The following UBE2D2 variants were observed in gnomAD, a reference collection of about 807,000 sequenced individuals.
UBE2D2 encodes ubiquitin-conjugating enzyme E2 D2.
In UBE2D2, 2 loss-of-function variants were observed where a neutral mutation model predicts 24.2. That is an observed-to-expected ratio of 0.08 (90% CI 0.03 to 0.26). The LOEUF (loss-of-function observed/expected upper bound fraction) is 0.26. Ranked by LOEUF, UBE2D2 falls within the 10% of genes least tolerant of loss-of-function variation. The probability of loss-of-function intolerance (pLI) is 1.00; values close to 1 mark genes in which losing one functional copy is unlikely to be tolerated. For missense variants in UBE2D2, 44 were observed against 177.6 expected (o/e 0.25, Z 4.28); for synonymous variants, 58 against 56.5 (o/e 1.03, Z -0.12).
intron 1 of UBE2D2, among the ~76,000 whole-genome samples, chr5:139,581,686 T>C (rs1753606370): frequency 6.6e-6 from 1 of 152,184 alleles, no homozygotes; most frequent in Non-Finnish European, 1.5e-5. Context: ...TGTTTGTTTT[T>C]GAGATGGAGT....
chr5:139,610,123 G>A (rs1003492882), intron 2 of UBE2D2, among the ~76,000 whole-genome samples: 3 of 152,046 alleles, frequency 2.0e-5, no homozygotes, highest in Non-Finnish European at 2.9e-5. Flanking sequence ...AAACTCAAAG[G>A]AACAGTACAG....
chr5:139,551,666 A>G lies in UBE2D2; in HGVS notation c.-64+25054A>G, dbSNP rs531595957. 3.5e-4 allele frequency among the ~76,000 whole-genome samples: 54 copies of G among 152,344 alleles called. No individual in the cohort carries two copies. In the South Asian group the frequency reaches 0.011, roughly 30 times the overall value. On this transcript the variant is annotated intron_variant, in intron 1 of 6. Transcript: ENST00000511725. ...TTAAAAGAGGAACAACAGAGACAAG[A>G]TCTCTGCCCTCCAGAAACTGACAGT...
At chr5:139,567,814 G>A (rs373734854) in intron 1 of UBE2D2, among the ~76,000 whole-genome samples, 2 of 152,202 alleles carry the variant, frequency 1.3e-5, no homozygotes, top group East Asian at 3.9e-4. Flanking sequence ...GATTACAGGC[G>A]TGAGCCACTG....
rs924833095 is a variant in UBE2D2 at position 139,562,239 on chromosome 5, C to G, written c.24+424C>G. ...TTCTGTTCCCTCCTCCCACACCTGC[C>G]CTAGCTCCCTCCACAAAACCGCCTG... On this transcript the variant is annotated intron_variant, in intron 1 of 6. Coordinates refer to ENST00000398733, the MANE Select transcript of UBE2D2 (RefSeq NM_003339.3). The G allele has an allele frequency of 5.9e-6, 8 of 1,366,566 alleles. No homozygotes were observed. In the Admixed American group the frequency reaches 1.5e-4, roughly 26 times the overall value. The allele number at this position is 1,366,566 out of a possible 1,614,324, so 84.7% of individuals were successfully genotyped here. A position where few individuals can be genotyped will look rare whatever the true frequency, so the allele number is the denominator to read the frequency against.
Position 139,561,824 on chromosome 5 carries a change from C to T in UBE2D2, c.24+9C>T. 6.7e-7 allele frequency: 1 copy of T among 1,495,796 alleles called. No homozygotes were observed. The highest frequency in any genetic ancestry group is 8.9e-7 in the Non-Finnish European group (1 of 1,128,108). 92.7% of individuals were successfully genotyped at this position (1,495,796 alleles called of 1,614,324 possible). A position where few individuals can be genotyped will look rare whatever the true frequency, so the allele number is the denominator to read the frequency against. On this transcript the variant is annotated intron_variant, in intron 1 of 6. Transcript: ENST00000398733. The stretch of plus-strand genomic sequence containing the variant: ...TGAAGAGAATCCACAAGGTAAGCGG[C>T]CGGAGGTCGGCTGCGCTGCTGGCCA...
At chr5:139,575,567 A>T (rs1753452539) in intron 1 of UBE2D2, among the ~76,000 whole-genome samples, 1 of 152,226 alleles carries the variant, frequency 6.6e-6, no homozygotes, top group Non-Finnish European at 1.5e-5. Flanking sequence ...AATACATGTG[A>T]TATTTTTGTA....
At chr5:139,609,285 A>G (rs1249302479) in intron 2 of UBE2D2, among the ~76,000 whole-genome samples, 5 of 151,674 alleles carry the variant, frequency 3.3e-5, no homozygotes, top group Admixed American at 1.3e-4. Context: ...ACCCACACCT[A>G]TAATCCCAGC....
intron 5 of UBE2D2, among the ~76,000 whole-genome samples, chr5:139,622,359 C>T (rs1754527994): frequency 1.3e-5 from 2 of 151,554 alleles, no homozygotes; most frequent in Admixed American, 6.6e-5. Flanking sequence ...ATTCTCCAGC[C>T]TCAGCCTCCT....
At chr5:139,571,199 G>C (rs1753344873) in intron 1 of UBE2D2, among the ~76,000 whole-genome samples, 1 of 151,914 alleles carries the variant, frequency 6.6e-6, no homozygotes, top group Non-Finnish European at 1.5e-5. Flanking sequence ...GTGAGGTCAG[G>C]AGATCGAGAC....
chr5:139,606,842 G>A (rs1018376574), intron 2 of UBE2D2, among the ~76,000 whole-genome samples: 1 of 151,964 alleles, frequency 6.6e-6, no homozygotes, highest in African/African-American at 2.4e-5. Context: ...GTCTCACATC[G>A]TCGCCCCCCT....
intron 1 of UBE2D2, among the ~76,000 whole-genome samples, chr5:139,541,497 G>A (rs1752761179): frequency 6.6e-6 from 1 of 150,704 alleles, no homozygotes; most frequent in Non-Finnish European, 1.5e-5. Context: ...CTACTCAGGA[G>A]GCTGAGGCAG....
upstream of UBE2D2, among the ~76,000 whole-genome samples, chr5:139,559,887 A>G (rs1424603611): frequency 2.0e-5 from 3 of 152,164 alleles, no homozygotes; most frequent in Non-Finnish European, 4.4e-5. Context: ...TTGGCTCCGT[A>G]TCTCACACCA....
chr5:139,605,662 T>C (rs1292458482), intron 2 of UBE2D2, among the ~76,000 whole-genome samples: 1 of 150,124 alleles, frequency 6.7e-6, no homozygotes, highest in Non-Finnish European at 1.5e-5. Flanking sequence ...CATATATCTG[T>C]TTCCTTCTCT....
chr5:139,627,116 G>C lies in UBE2D2; in HGVS notation c.*315G>C, dbSNP rs1237066828. 3.5e-6 allele frequency: 1 copy of C among 284,420 alleles called. No individual in the cohort carries two copies. The highest frequency in any genetic ancestry group is 2.2e-5 in the African/African-American group (1 of 44,880). 17.6% of individuals were successfully genotyped at this position (284,420 alleles called of 1,614,324 possible). A position where few individuals can be genotyped will look rare whatever the true frequency, so the allele number is the denominator to read the frequency against. On this transcript the variant is annotated 3_prime_UTR_variant, in exon 7 of 7. Transcript: ENST00000398733. Reference sequence around the variant, plus strand: ...ATTTGGATAACAGCAAGGTGTGAGGGGGGTGGTGGGTATGGTGTGTGCTTG... The same window carrying C: ...ATTTGGATAACAGCAAGGTGTGAGGCGGGTGGTGGGTATGGTGTGTGCTTG...
At chr5:139,586,765 A>C (rs80120481) in intron 1 of UBE2D2, among the ~76,000 whole-genome samples, 1 of 147,836 alleles carries the variant, frequency 6.8e-6, no homozygotes, top group Non-Finnish European at 1.5e-5. Flanking sequence ...ACTCCGTCTC[A>C]AAAAAAAAAA....
At chr5:139,550,568 C>T (rs561816200) in intron 1 of UBE2D2, among the ~76,000 whole-genome samples, 21 of 152,228 alleles carry the variant, frequency 1.4e-4, no homozygotes, top group African/African-American at 2.6e-4. Context: ...TCCACGCTCA[C>T]GCTATGGGAG....
chr5:139,562,896 A>G (rs931317195), intron 1 of UBE2D2, among the ~76,000 whole-genome samples: 1 of 151,954 alleles, frequency 6.6e-6, no homozygotes, highest in African/African-American at 2.4e-5. Flanking sequence ...TCACTTGGCT[A>G]CTCAGATTGG....
rs1241030862 is a variant in UBE2D2 at position 139,628,364 on chromosome 5, T to G, written c.*1563T>G. ...CATGGCTGATGCTCTAGCCATCAGG[T>G]TCTTTCAAATGCATCTTTACACTCT... On this transcript the variant is annotated 3_prime_UTR_variant, in exon 7 of 7. Transcript: ENST00000398733. The G allele has an allele frequency of 6.6e-6, 1 of 152,626 alleles. No homozygotes were observed. The highest frequency in any genetic ancestry group is 1.9e-4 in the East Asian group (1 of 5,200). 9.5% of individuals were successfully genotyped at this position (152,626 alleles called of 1,614,324 possible).
At chr5:139,619,606 G>C (rs1754477618) in intron 5 of UBE2D2, among the ~76,000 whole-genome samples, 1 of 152,134 alleles carries the variant, frequency 6.6e-6, no homozygotes, top group Admixed American at 6.5e-5. Context: ...GCTCACTCTT[G>C]TAATCCCAGC....
Sources: gnomAD v4.1 joint callset for allele counts (sites outside exome capture counted in the v4.1 genomes callset) on GRCh38, gnomAD v4.1.1 for gene constraint, MANE v1.5 for transcripts, NCBI Gene and HGNC (gene_info 2026-07-23, HGNC 2026-07-21) for gene names.